PDE10A: variants seen among roughly 807,000 people sequenced by gnomAD.
PDE10A encodes phosphodiesterase 10A.
PDE10A carries 39 observed loss-of-function variants against 97.7 expected under a neutral mutation model. That is an observed-to-expected ratio of 0.40 (90% CI 0.31 to 0.52). The LOEUF is 0.52. Ranked by LOEUF, PDE10A falls within the 20% of genes least tolerant of loss-of-function variation. The pLI, the probability that PDE10A is intolerant of heterozygous loss-of-function variation, is 0.56. For missense variants in PDE10A, 731 were observed against 1,047.8 expected (o/e 0.70, Z 4.17); for synonymous variants, 371 against 376.8 (o/e 0.98, Z 0.18).
intron 13 of PDE10A, among the ~76,000 whole-genome samples, chr6:165,404,741 C>T (rs184266195): frequency 3.9e-4 from 60 of 152,106 alleles, no homozygotes; most frequent in African/African-American, 1.4e-3. Context: ...TAATGAAAAA[C>T]ACTTACTGAG....
In PDE10A at chr6:165,686,162, C is replaced by CAT. The variant is rs1484425676; in HGVS notation, c.-614-142595_-614-142594insAT. ...ACACACACACACACACACACACACA[C>CAT]ACACACACACAGGCTGTGTCTTTAG... On this transcript the variant is annotated intron_variant, in intron 1 of 19. Transcript: ENST00000366882. Among the ~76,000 whole-genome samples the CAT allele has an allele frequency of 6.8e-5, 10 of 148,112 alleles. No individual in the cohort carries two copies. In the East Asian group the frequency reaches 1.8e-3, roughly 27 times the overall value.
At chr6:165,410,729 G>A (rs1418067640) in intron 13 of PDE10A, among the ~76,000 whole-genome samples, 1 of 151,882 alleles carries the variant, frequency 6.6e-6, no homozygotes, top group Admixed American at 6.6e-5. Context: ...ACATCCGCAC[G>A]TGAACTCATT....
At chr6:165,592,095 T>C (rs1786308116) in intron 1 of PDE10A, among the ~76,000 whole-genome samples, 1 of 152,152 alleles carries the variant, frequency 6.6e-6, no homozygotes, top group African/African-American at 2.4e-5. Context: ...ATGGTACTGA[T>C]ACCAAAACAG....
chr6:165,985,096 G>A (rs1283568518), intron 1 of PDE10A, among the ~76,000 whole-genome samples: 1 of 152,200 alleles, frequency 6.6e-6, no homozygotes, highest in Non-Finnish European at 1.5e-5. Flanking sequence ...CCACAGAGCT[G>A]GGCTGCAGGA....
At chr6:165,946,241 A>C (rs1473666568) in intron 1 of PDE10A, among the ~76,000 whole-genome samples, 1 of 152,220 alleles carries the variant, frequency 6.6e-6, no homozygotes, top group East Asian at 1.9e-4. Context: ...TCATGCCTGT[A>C]ATCCCAGCAC....
intron 1 of PDE10A, among the ~76,000 whole-genome samples, chr6:165,597,518 C>G (rs1022463143): frequency 6.6e-6 from 1 of 152,160 alleles, no homozygotes; most frequent in East Asian, 1.9e-4. Context: ...CTTAGGCTAT[C>G]TGGGTTGATG....
rs1791895186 is a variant in PDE10A, at chr6:165,711,525, CTTGAGGGGATT to C, written c.-614-167968_-614-167958del. 6.6e-6 allele frequency among the ~76,000 whole-genome samples: 1 copy of C among 152,110 alleles called. No individual in the cohort carries two copies. On this transcript the variant is annotated intron_variant, in intron 1 of 19. Transcript: ENST00000366882. This position sits in a 1 kb window ranked among gnomAD's most constrained non-coding sequence, Gnocchi z 4.5. Reference sequence around the variant, plus strand: ...AAGTCACTCTCCATTTGGAGGTTTTCTTGAGGGGATTTTAGTTCAGTTAGTTCAGCCTGCGC... The same window carrying C: ...AAGTCACTCTCCATTTGGAGGTTTTCTTAGTTCAGTTAGTTCAGCCTGCGC...
chr6:165,407,652 T>G (rs1367348236), intron 13 of PDE10A, among the ~76,000 whole-genome samples: 1 of 152,232 alleles, frequency 6.6e-6, no homozygotes, highest in Admixed American at 6.5e-5. Flanking sequence ...AATTTCATTT[T>G]AATAGCAAAT....
At chr6:165,638,837 TAG>T (rs1376112494) in intron 1 of PDE10A, among the ~76,000 whole-genome samples, 1 of 152,194 alleles carries the variant, frequency 6.6e-6, no homozygotes, top group Non-Finnish European at 1.5e-5. Flanking sequence ...AAGGGAAAAC[TAG>T]AGTCTTTAAG....
chr6:165,776,016 T>C (rs986320977), intron 1 of PDE10A, among the ~76,000 whole-genome samples: 15 of 152,230 alleles, frequency 9.9e-5, no homozygotes, highest in Non-Finnish European at 1.8e-4. Context: ...TTTTATTCGA[T>C]TGGTATGTTC....
At chr6:165,894,744 C>T in intron 1 of PDE10A, 1 of 328,954 alleles carries the variant, frequency 3.0e-6, no homozygotes, top group Non-Finnish European at 6.0e-6. Flanking sequence ...AATATGTGTT[C>T]ATATTGTGTT....
chr6:165,628,710 C>T (rs1044367424), intron 1 of PDE10A, among the ~76,000 whole-genome samples: 4 of 152,118 alleles, frequency 2.6e-5, no homozygotes, highest in African/African-American at 9.7e-5. Context: ...CAGAGAGGCA[C>T]ACATAATTCT....
chr6:165,601,882 T>C (rs1280420408), intron 1 of PDE10A, among the ~76,000 whole-genome samples: 1 of 152,082 alleles, frequency 6.6e-6, no homozygotes, highest in Non-Finnish European at 1.5e-5. Flanking sequence ...CACCGCAACA[T>C]CTCATCCCAC....
intron 3 of PDE10A, among the ~76,000 whole-genome samples, chr6:165,458,025 T>C (rs1778063246): frequency 6.6e-6 from 1 of 152,160 alleles, no homozygotes; most frequent in South Asian, 2.1e-4. Context: ...ATGAGACAAA[T>C]GTTAAATTGG....
At chr6:165,341,211 T>A (rs1272167586) in intron 19 of PDE10A, among the ~76,000 whole-genome samples, 2 of 152,276 alleles carry the variant, frequency 1.3e-5, no homozygotes, top group Middle Eastern at 3.4e-3. Flanking sequence ...TGTGGACTAT[T>A]GAGGTTGGTG....
chr6:165,485,192 C>A (rs1161483269), intron 2 of PDE10A, among the ~76,000 whole-genome samples: 2 of 152,140 alleles, frequency 1.3e-5, no homozygotes, highest in Non-Finnish European at 2.9e-5. Flanking sequence ...ACAAGCCTGG[C>A]TGGACGCGGT....
chr6:165,704,102 C>T (rs932064133), intron 1 of PDE10A, among the ~76,000 whole-genome samples: 16 of 152,182 alleles, frequency 1.1e-4, no homozygotes, highest in African/African-American at 3.9e-4. Flanking sequence ...TATGTTGTAT[C>T]CTAACAGAGA....
chr6:165,846,971 G>A (rs1326592606), intron 1 of PDE10A, among the ~76,000 whole-genome samples: 2 of 152,292 alleles, frequency 1.3e-5, no homozygotes, highest in East Asian at 1.9e-4. Flanking sequence ...AAAATACCGC[G>A]GCAGAAATCT....
At chr6:165,648,176 CTAATTT>C in intron 1 of PDE10A, among the ~76,000 whole-genome samples, 1 of 152,218 alleles carries the variant, frequency 6.6e-6, no homozygotes, top group Non-Finnish European at 1.5e-5. Context: ...CCACGCCCAG[CTAATTT>C]TTTGTATTTT....
Sources: allele counts gnomAD v4.1 joint callset (sites outside exome capture counted in the v4.1 genomes callset), GRCh38; gene constraint gnomAD v4.1.1; non-coding constraint Gnocchi (gnomAD v3.1); transcripts MANE v1.5; gene names NCBI Gene and HGNC (gene_info 2026-07-23, HGNC 2026-07-21).